Variants in SARM1 observed in about 807,000 individuals in gnomAD.
The protein encoded by SARM1 is NAD(+) hydrolase SARM1.
A neutral mutation model predicts 65.1 loss-of-function variants in SARM1; 60 were observed. The ratio of observed to expected loss-of-function variants is 0.92; its 90% CI spans 0.75 to 1.14. The LOEUF is 1.14. Among genes scored for constraint, SARM1 ranks in the 50% most tolerant of loss-of-function variants. The pLI is 0.00. For missense variants in SARM1, 913 were observed against 1,015.7 expected, an observed-to-expected ratio of 0.90 and a Z score of 1.37; for synonymous variants, 417 against 465.4, an observed-to-expected ratio of 0.90 and a Z score of 1.34.
chr17:28,403,320 A>G lies in SARM1; in HGVS notation c.*7034A>G, dbSNP rs1240456944. 1 of 152,280 alleles carries G rather than the reference A, an allele frequency of 6.6e-6. No homozygotes were observed. Among genetic ancestry groups the G allele is most frequent in the Non-Finnish European group, 1.5e-5 (1 of 68,036 alleles). The allele number at this position is 152,280 out of a possible 1,614,324, so 9.4% of individuals were successfully genotyped here. On this transcript the variant is annotated 3_prime_UTR_variant, in exon 9 of 9. Coordinates refer to ENST00000585482, the MANE Select transcript of SARM1 (RefSeq NM_015077.4). ...TATGAAGAGCATGGCATAGGGACAC[A>G]GCAAATGGGAGTTCCTTTTCCCTTT...
chr17:28,389,429 T>G (rs896055492), intron 7 of SARM1, among the ~76,000 whole-genome samples: 64 of 152,218 alleles, frequency 4.2e-4, no homozygotes, highest in Admixed American at 4.2e-3. Flanking sequence ...TGACGCATTG[T>G]AGGAACTTAT....
intron 7 of SARM1, among the ~76,000 whole-genome samples, chr17:28,391,536 G>C (rs1555586860): frequency 6.6e-6 from 1 of 151,992 alleles, no homozygotes; most frequent in African/African-American, 2.4e-5. Context: ...TGGGGCAGTT[G>C]AGCATCCAGG....
chr17:28,392,197 C>T (rs1269713667), intron 7 of SARM1, among the ~76,000 whole-genome samples: 1 of 151,604 alleles, frequency 6.6e-6, no homozygotes, highest in Non-Finnish European at 1.5e-5. Flanking sequence ...CTGCAACCTC[C>T]GCCTCCCGGG....
rs564919532 is a variant in SARM1, at chr17:28,371,715, C to G, written c.-318C>G. On this transcript the variant is annotated 5_prime_UTR_variant, in exon 1 of 9. Transcript: ENST00000585482. ...GAGCATCTCCCAGCTCAGCCGAGCC[C>G]GTGCCCAGGCCACGCTTTGTTCCAG... The G allele has an allele frequency of 5.7e-4, 148 of 260,620 alleles. No individual in the cohort carries two copies. Among genetic ancestry groups the G allele is most frequent in the African/African-American group, 2.2e-3 (101 of 45,072 alleles). 16.1% of individuals were successfully genotyped at this position (260,620 alleles called of 1,614,324 possible).
intron 7 of SARM1, among the ~76,000 whole-genome samples, chr17:28,392,396 A>G (rs1036568026): frequency 1.7e-4 from 26 of 152,128 alleles, no homozygotes; most frequent in Non-Finnish European, 3.1e-4. Context: ...GATTACAGAC[A>G]TGAGCCACCA....
In SARM1 at chr17:28,402,217, C is replaced by A; in HGVS notation, c.*5931C>A. On this transcript the variant is annotated 3_prime_UTR_variant, in exon 9 of 9. Coordinates refer to ENST00000585482, the MANE Select transcript of SARM1 (RefSeq NM_015077.4). ...AGCACTGGACATGAGGAACCAGACA[C>A]AGGTGGGTTCTGACACTCACCCTGC... The A allele has an allele frequency of 6.2e-7, 1 of 1,605,018 alleles. No individual in the cohort carries two copies. The highest frequency in any genetic ancestry group is 8.5e-7 in the Non-Finnish European group (1 of 1,174,406).
At chr17:28,380,590 C>T (rs2068017243) in intron 1 of SARM1, among the ~76,000 whole-genome samples, 2 of 152,312 alleles carry the variant, frequency 1.3e-5, no homozygotes, top group Middle Eastern at 3.4e-3. Context: ...GCACAGGGGA[C>T]GTCCTCAGGA....
Position 28,384,743 on chromosome 17 carries a change from C to T in SARM1, c.1303-96C>T, listed in dbSNP as rs1034282098. On this transcript the variant is annotated intron_variant, in intron 3 of 8. Transcript: ENST00000585482. The surrounding 1 kb of genome is among the most constrained non-coding windows in gnomAD (Gnocchi z 4.4). ...GCTCTGATCTAGGTCCCATCCGCCTCCTCCACGCCATCTCCAGTTCCTTCC... is the reference window on the plus strand; with the variant it reads ...GCTCTGATCTAGGTCCCATCCGCCTTCTCCACGCCATCTCCAGTTCCTTCC... The T allele has an allele frequency of 7.7e-7, 1 of 1,294,704 alleles. No individual in the cohort carries two copies. The highest frequency in any genetic ancestry group is 2.0e-5 in the Admixed American group (1 of 50,094). 80.2% of individuals were successfully genotyped at this position (1,294,704 alleles called of 1,614,324 possible).
Position 28,385,348 on chromosome 17 carries a change from C to A in SARM1, c.1630+73C>A. On this transcript the variant is annotated intron_variant, in intron 5 of 8. Transcript: ENST00000585482. This position sits in a 1 kb window ranked among gnomAD's most constrained non-coding sequence, Gnocchi z 4.5. ...GGCCCTGGAATGGTGAGGGGAGACA[C>A]GGGGTGGAGCCTTCCAGCCTCGCCG... 1.7e-6 allele frequency: 2 copies of A among 1,149,776 alleles called. No homozygotes were observed. Among genetic ancestry groups the A allele is most frequent in the Non-Finnish European group, 2.4e-6 (2 of 833,580 alleles). 71.2% of individuals were successfully genotyped at this position (1,149,776 alleles called of 1,614,324 possible). A position where few individuals can be genotyped will look rare whatever the true frequency, so the allele number is the denominator to read the frequency against.
chr17:28,391,061 G>A (rs2068077501), intron 7 of SARM1, among the ~76,000 whole-genome samples: 1 of 152,196 alleles, frequency 6.6e-6, no homozygotes, highest in African/African-American at 2.4e-5. Flanking sequence ...GAGGGGGTGT[G>A]AGGGGAGGTG....
chr17:28,380,372 A>T (rs1424633681), intron 1 of SARM1, among the ~76,000 whole-genome samples: 3 of 152,130 alleles, frequency 2.0e-5, no homozygotes. Context: ...GCACACAGGG[A>T]TTTCTTCACA....
chr17:28,384,215 C>T lies in SARM1; in HGVS notation c.1090-142C>T. The T allele has an allele frequency of 1.6e-6, 1 of 634,966 alleles. No homozygotes were observed. The highest frequency in any genetic ancestry group is 2.6e-6 in the Non-Finnish European group (1 of 377,944). The allele number at this position is 634,966 out of a possible 1,614,324, so 39.3% of individuals were successfully genotyped here. ...TCAGGAGGGGGAATCCGCAGGACCC[C>T]ATGACTTAGTGGCTGAAGGTGGGGC... On this transcript the variant is annotated intron_variant, in intron 2 of 8. Transcript: ENST00000585482. The surrounding 1 kb of genome is among the most constrained non-coding windows in gnomAD (Gnocchi z 4.4).
chr17:28,385,386 G>C lies in SARM1; in HGVS notation c.1630+111G>C. ...TCCAGCCTCGCCGTGGATTGATTGA[G>C]CACAAACGTGGGTCACACTGGGCTC... On this transcript the variant is annotated intron_variant, in intron 5 of 8. Transcript: ENST00000585482. This position sits in a 1 kb window ranked among gnomAD's most constrained non-coding sequence, Gnocchi z 4.5. 2.4e-6 allele frequency: 2 copies of C among 821,520 alleles called. No homozygotes were observed. Among genetic ancestry groups the C allele is most frequent in the Non-Finnish European group, 3.7e-6 (2 of 538,602 alleles). 50.9% of individuals were successfully genotyped at this position (821,520 alleles called of 1,614,324 possible).
intron 7 of SARM1, among the ~76,000 whole-genome samples, chr17:28,390,076 T>C (rs1324639335): frequency 6.6e-6 from 1 of 152,214 alleles, no homozygotes; most frequent in African/African-American, 2.4e-5. Flanking sequence ...AGTTTGGTTT[T>C]ATACATTTTT....
At position 28,385,091 on chromosome 17, in the gene SARM1, C is replaced by T; in HGVS notation, c.1446C>T (p.Cys482=). 2 of 1,613,918 alleles carry T rather than the reference C, an allele frequency of 1.2e-6. No homozygotes were observed. Among genetic ancestry groups the T allele is most frequent in the Non-Finnish European group, 1.7e-6 (2 of 1,179,878 alleles). Residue 482 remains cysteine (C), a synonymous_variant, in exon 5 of 9, where the codon TGC becomes TGT. Transcript: ENST00000585482. This position sits in a 1 kb window ranked among gnomAD's most constrained non-coding sequence, Gnocchi z 4.5. ...ELKTFANYST[C]DRSNLADWLG... is the part of the protein sequence containing the mutation. Reference sequence around the variant, plus strand: ...AGACCTTCGCCAACTATTCTACGTGCGACCGCAGCAACCTGGCGGACTGGC... The same window carrying T: ...AGACCTTCGCCAACTATTCTACGTGTGACCGCAGCAACCTGGCGGACTGGC...
At position 28,401,032 on chromosome 17, in the gene SARM1, A is replaced by G. The variant is rs782167060; in HGVS notation, c.*4746A>G. 1.7e-5 allele frequency: 6 copies of G among 346,998 alleles called. No homozygotes were observed. Among genetic ancestry groups the G allele is most frequent in the Non-Finnish European group, 3.0e-5 (6 of 201,870 alleles). The allele number at this position is 346,998 out of a possible 1,614,324, so 21.5% of individuals were successfully genotyped here. On this transcript the variant is annotated 3_prime_UTR_variant, in exon 9 of 9. Transcript: ENST00000585482. The stretch of plus-strand genomic sequence containing the variant: ...TGTGATCTGACAGAACCCAGCACAT[A>G]AAAGAAAAAAAAAGTACATGTGATA...
At chr17:28,383,711 CAT>C (rs1457575464) in intron 2 of SARM1, among the ~76,000 whole-genome samples, 1 of 152,206 alleles carries the variant, frequency 6.6e-6, no homozygotes, top group Non-Finnish European at 1.5e-5. Context: ...GTGACTAAGA[CAT>C]GTCCTCAGCT....
intron 1 of SARM1, among the ~76,000 whole-genome samples, chr17:28,378,252 G>A (rs1472235698): frequency 6.6e-6 from 1 of 152,142 alleles, no homozygotes; most frequent in East Asian, 1.9e-4. Flanking sequence ...AAGGTCCCCA[G>A]GTCCGATCTC....
chr17:28,381,954 G>T, intron 2 of SARM1, 133 bp downstream of exon 2: 1 of 1,189,720 alleles, frequency 8.4e-7, no homozygotes, highest in African/African-American at 1.6e-5. Context: ...GGAGGAGCGG[G>T]CCAGTCATTT....
Sources: gnomAD v4.1 joint callset for allele counts (sites outside exome capture counted in the v4.1 genomes callset) on GRCh38, gnomAD v4.1.1 for gene constraint, Gnocchi (gnomAD v3.1) non-coding constraint, MANE v1.5 for transcripts, NCBI Gene and HGNC (gene_info 2026-07-23, HGNC 2026-07-21) for gene names.